The following LRP1B variants were observed in gnomAD, a reference collection of about 807,000 sequenced individuals.
LRP1B encodes low-density lipoprotein receptor-related protein 1B.
LRP1B carries 217 observed loss-of-function variants against 556.6 expected under a neutral mutation model. The ratio of observed to expected loss-of-function variants is 0.39; its 90% confidence interval spans 0.35 to 0.44. The LOEUF is 0.44. Ranked by LOEUF, LRP1B falls within the 20% of genes least tolerant of loss-of-function variation. The probability of loss-of-function intolerance (pLI) is 1.00; values close to 1 mark genes in which losing one functional copy is unlikely to be tolerated. For synonymous variants in LRP1B, 2,047 were observed against 1,865.8 expected, an observed-to-expected ratio of 1.10 and a Z score of -2.50; for missense variants, 5,053 against 5,620.8, an observed-to-expected ratio of 0.90 and a Z score of 3.23.
rs531263138 is a variant in LRP1B, at chr2:140,325,240, G to A, written c.12340+522C>T. 6.6e-5 allele frequency among the ~76,000 whole-genome samples: 10 copies of A among 152,068 alleles called. No homozygotes were observed. In the South Asian group the frequency reaches 2.1e-3, roughly 32 times the overall value. On this transcript the variant is annotated intron_variant, in intron 80 of 90. Coordinates refer to ENST00000389484, the MANE Select transcript of LRP1B (RefSeq NM_018557.3). ...AAAATAGGAGCCAGGCAGATAGGTG[G>A]GCATAAAACCGGTATAGCAACAGAG...
At chr2:140,421,779 A>G (rs1685456038) in intron 66 of LRP1B, among the ~76,000 whole-genome samples, 1 of 152,216 alleles carries the variant, frequency 6.6e-6, no homozygotes, top group African/African-American at 2.4e-5. Flanking sequence ...ATGAAGAAAC[A>G]GTGAAGGACT....
chr2:141,047,646 C>T (rs1398294092), intron 11 of LRP1B, among the ~76,000 whole-genome samples: 1 of 152,006 alleles, frequency 6.6e-6, no homozygotes, highest in Non-Finnish European at 1.5e-5. Flanking sequence ...GGATTTTTTC[C>T]AAACTCCTTC....
At chr2:141,737,588 A>C (rs1202058114) in intron 2 of LRP1B, among the ~76,000 whole-genome samples, 1 of 152,166 alleles carries the variant, frequency 6.6e-6, no homozygotes, top group African/African-American at 2.4e-5. Context: ...TAATTATGTC[A>C]GCTCAGATTG....
intron 32 of LRP1B, among the ~76,000 whole-genome samples, chr2:140,788,490 C>T (rs1255255493): frequency 1.3e-5 from 2 of 152,128 alleles, no homozygotes; most frequent in African/African-American, 4.8e-5. Context: ...ATAGTAATCA[C>T]TTGCAAAGTC....
intron 29 of LRP1B, among the ~76,000 whole-genome samples, chr2:140,841,586 ATAAT>A (rs1692107141): frequency 6.6e-6 from 1 of 152,178 alleles, no homozygotes; most frequent in South Asian, 2.1e-4. Flanking sequence ...TTCAAAATAG[ATAAT>A]TAAGAGGAAT....
At chr2:141,465,285 T>C (rs1309110716) in intron 3 of LRP1B, among the ~76,000 whole-genome samples, 1 of 151,396 alleles carries the variant, frequency 6.6e-6, no homozygotes. Flanking sequence ...TGAAAAAGTG[T>C]GGGATATGCA....
At chr2:140,348,838 C>G (rs1681816810) in intron 77 of LRP1B, among the ~76,000 whole-genome samples, 1 of 152,032 alleles carries the variant, frequency 6.6e-6, no homozygotes, top group South Asian at 2.1e-4. Flanking sequence ...GGCTTCTAAT[C>G]TACAATAAAT....
intron 35 of LRP1B, among the ~76,000 whole-genome samples, chr2:140,733,250 A>G (rs1687836907): frequency 6.6e-6 from 1 of 152,120 alleles, no homozygotes; most frequent in African/African-American, 2.4e-5. Context: ...TCCTTAAAAC[A>G]CATATGAGGG....
Position 141,321,184 on chromosome 2 carries a change from T to A in LRP1B, c.344-66543A>T, listed in dbSNP as rs143319755. On this transcript the variant is annotated intron_variant, in intron 3 of 90. Coordinates refer to ENST00000389484, the MANE Select transcript of LRP1B (RefSeq NM_018557.3). Reference sequence around the variant, plus strand: ...CAGTTCCTGATGACCTCAGTACTCTTGAAGCTTTTTTGAAGTCAGTTTCCA... The same window carrying A: ...CAGTTCCTGATGACCTCAGTACTCTAGAAGCTTTTTTGAAGTCAGTTTCCA... Among the ~76,000 whole-genome samples, 217 of 152,242 alleles carry A rather than the reference T, an allele frequency of 1.4e-3. 8 individuals are homozygous for A. In the East Asian group the frequency reaches 0.04, roughly 28 times the overall value.
At chr2:142,072,966 T>A (rs1014751960) in intron 1 of LRP1B, among the ~76,000 whole-genome samples, 1 of 152,066 alleles carries the variant, frequency 6.6e-6, no homozygotes, top group Admixed American at 6.6e-5. Context: ...TGCTCTTGCA[T>A]CCTGTGAAAT....
At position 140,699,023 on chromosome 2, in the gene LRP1B, T is replaced by C. The variant is rs528329537; in HGVS notation, c.6799+1227A>G. 1.1e-4 allele frequency among the ~76,000 whole-genome samples: 16 copies of C among 152,182 alleles called. No individual in the cohort carries two copies. The East Asian group carries it at 2.7e-3, about 26-fold the overall frequency. ...TGTGGTGGATACAAGACTTCTACTC[T>C]AATTTTTTTACTTCAGAGTTTGGTT... is the stretch of plus-strand genomic sequence containing the variant. On this transcript the variant is annotated intron_variant, in intron 41 of 90. Transcript: ENST00000389484.
chr2:140,238,210 T>A lies in LRP1B; in HGVS notation c.13502A>T (p.Asp4501Val). ...GNPSYNMYEV[D>V]HDHNDGGLLD... ...AAGACCTCCATCGTTGTGATCATGA[T>A]CTACCTCATACATGTTATAAGATGG... Residue 4501 changes from aspartate to valine, a missense_variant, in exon 89 of 91, where the codon GAT becomes GTT. Transcript: ENST00000389484. The A allele has an allele frequency of 6.2e-7, 1 of 1,605,158 alleles. No homozygotes were observed. The highest frequency in any genetic ancestry group is 8.5e-7 in the Non-Finnish European group (1 of 1,173,838).
At chr2:140,301,748 T>C (rs1683832692) in intron 83 of LRP1B, among the ~76,000 whole-genome samples, 2 of 151,856 alleles carry the variant, frequency 1.3e-5, no homozygotes, top group Admixed American at 6.6e-5. Flanking sequence ...TGCTTATATA[T>C]ATATACACAT....
intron 19 of LRP1B, among the ~76,000 whole-genome samples, chr2:140,951,396 T>A (rs935736561): frequency 1.2e-4 from 19 of 152,166 alleles, no homozygotes; most frequent in Admixed American, 6.5e-5. Flanking sequence ...ATAATTAATT[T>A]ACCTGTATTT....
chr2:140,504,525 T>C (rs1454906496), intron 53 of LRP1B, among the ~76,000 whole-genome samples: 1 of 152,216 alleles, frequency 6.6e-6, no homozygotes, highest in African/African-American at 2.4e-5. Flanking sequence ...CTCGTTGTTC[T>C]TCTGATCTAG....
chr2:140,497,860 G>A (rs185198203), intron 55 of LRP1B, among the ~76,000 whole-genome samples: 8 of 151,938 alleles, frequency 5.3e-5, no homozygotes, highest in Admixed American at 3.9e-4. Context: ...AGGTAAAATT[G>A]ATTAATGTTA....
At chr2:141,324,982 A>G (rs1226945243) in intron 3 of LRP1B, among the ~76,000 whole-genome samples, 1 of 152,106 alleles carries the variant, frequency 6.6e-6, no homozygotes, top group East Asian at 1.9e-4. Flanking sequence ...TGAATAATCC[A>G]TTGTAAACAC....
chr2:140,523,282 A>G (rs7570671), intron 49 of LRP1B, among the ~76,000 whole-genome samples: 150,127 of 152,072 alleles, frequency 0.99, 74,129 homozygotes, highest in Middle Eastern at 1. Flanking sequence ...AACAGAATTA[A>G]GAACAAAACC....
At position 140,716,059 on chromosome 2, in the gene LRP1B, A is replaced by G; in HGVS notation, c.5937T>C (p.Val1979=). 1.2e-6 allele frequency: 2 copies of G among 1,608,366 alleles called. No individual in the cohort carries two copies. The highest frequency in any genetic ancestry group is 2.2e-5 in the South Asian group (2 of 90,800). The change falls in exon 37 of 91, where the codon GTT becomes GTC. Residue 1979 remains valine (V), a synonymous_variant. Coordinates refer to ENST00000389484, the MANE Select transcript of LRP1B (RefSeq NM_018557.3). Reference sequence around the variant, plus strand: ...AACGGAAAGAACCATTGAGTCTTGCAACTTCAATTAAGTTGAAACCATGAT... The same window carrying G: ...AACGGAAAGAACCATTGAGTCTTGCGACTTCAATTAAGTTGAAACCATGAT... ...WTDHGFNLIE[V]ARLNGSFRYV... is the part of the protein sequence containing the mutation.
Sources: allele counts gnomAD v4.1 joint callset (sites outside exome capture counted in the v4.1 genomes callset), GRCh38; gene constraint gnomAD v4.1.1; transcripts MANE v1.5; gene names NCBI Gene and HGNC (gene_info 2026-07-23, HGNC 2026-07-21).